RGPD4: variants seen among roughly 807,000 people sequenced by gnomAD.
The protein encoded by RGPD4 is ranBP2-like and GRIP domain-containing protein 4.
RGPD4 carries 84 observed loss-of-function variants against 141.1 expected under a neutral mutation model. The ratio of observed to expected loss-of-function variants is 0.60; its 90% confidence interval spans 0.50 to 0.71. The LOEUF (loss-of-function observed/expected upper bound fraction) is 0.71, where lower values mean the gene tolerates loss of function less well. Among genes scored for constraint, RGPD4 ranks in the 30% least tolerant of loss-of-function variants. The probability of loss-of-function intolerance (pLI) is 0.00; values close to 1 mark genes in which losing one functional copy is unlikely to be tolerated. For missense variants in RGPD4, 918 were observed against 1,622.4 expected (o/e 0.57, Z 7.46); for synonymous variants, 298 against 566.8 (o/e 0.53, Z 6.74).
chr2:107,880,166 A>C, intron 21 of RGPD4, 59 bp downstream of exon 21: 2 of 1,610,804 alleles, frequency 1.2e-6, no homozygotes, highest in Non-Finnish European at 1.7e-6. Flanking sequence ...TGGACCCTCC[A>C]TACACATGTA....
intron 22 of RGPD4, among the ~76,000 whole-genome samples, chr2:107,887,457 G>C (rs1675546950): frequency 6.6e-6 from 1 of 151,982 alleles, no homozygotes; most frequent in South Asian, 2.1e-4. Context: ...ATGATGAATA[G>C]TTTTCCTTTC....
chr2:107,860,761 T>C lies in RGPD4; in HGVS notation c.1759-5T>C. 3.1e-6 allele frequency: 5 copies of C among 1,610,620 alleles called. No individual in the cohort carries two copies. The South Asian group carries it at 4.4e-5, about 14-fold the overall frequency. On this transcript the variant is annotated splice_polypyrimidine_tract_variant and splice_region_variant and intron_variant, in intron 12 of 22. Transcript: ENST00000408999. ...AAGTTGTGTGCTTTTAACTTTCTTTTTTAGGGCAGTGGTCTTAATTCTTTT... is the reference window on the plus strand; with the variant it reads ...AAGTTGTGTGCTTTTAACTTTCTTTCTTAGGGCAGTGGTCTTAATTCTTTT...
chr2:107,883,077 C>G, intron 22 of RGPD4: 4 of 734,152 alleles, frequency 5.4e-6, no homozygotes, highest in Non-Finnish European at 9.3e-6. Flanking sequence ...TTTTAACGTT[C>G]AGCAAAATAC....
chr2:107,830,455 A>G (rs567347260), intron 1 of RGPD4, among the ~76,000 whole-genome samples: 1 of 152,222 alleles, frequency 6.6e-6, no homozygotes, highest in African/African-American at 2.4e-5. Flanking sequence ...TGTTCTTTCA[A>G]CTGCATAACT....
chr2:107,844,832 T>C (rs1274816388), intron 6 of RGPD4, among the ~76,000 whole-genome samples: 39 of 52,664 alleles, frequency 7.4e-4, no homozygotes, highest in East Asian at 1.8e-3. Context: ...TCTTTTTTGT[T>C]TTTTTTTTTT....
At chr2:107,834,129 T>C (rs1215602915) in intron 1 of RGPD4, among the ~76,000 whole-genome samples, 3 of 151,978 alleles carry the variant, frequency 2.0e-5, no homozygotes, top group African/African-American at 7.3e-5. Flanking sequence ...CTTGCTCTGT[T>C]GCCAGAGCTG....
At position 107,872,054 on chromosome 2, in the gene RGPD4, T is replaced by C. The variant is rs578212319; in HGVS notation, c.4050T>C (p.Gly1350=). Residue 1350 remains glycine, a synonymous_variant, in exon 20 of 23, where the codon GGT becomes GGC. Coordinates refer to ENST00000408999, the MANE Select transcript of RGPD4 (RefSeq NM_182588.3). ...PLPDLVEVSS[G]EENEKVVFSH... ...CTGATCTAGTTGAAGTATCCAGTGG[T>C]GAGGAAAATGAAAAAGTTGTTTTTA... The C allele has an allele frequency of 6.0e-5, 97 of 1,611,460 alleles. No individual in the cohort carries two copies. Among genetic ancestry groups the C allele is most frequent in the Admixed American group, 2.2e-4 (13 of 59,954 alleles).
chr2:107,834,769 A>G (rs1681614402), intron 1 of RGPD4, among the ~76,000 whole-genome samples: 1 of 125,044 alleles, frequency 8.0e-6, no homozygotes, highest in Admixed American at 8.4e-5. Context: ...TATGGTAAGA[A>G]CAAATCTTTT....
intron 1 of RGPD4, among the ~76,000 whole-genome samples, chr2:107,829,785 CCTGGCCCGGGCTTT>C (rs1202808253): frequency 2.6e-5 from 4 of 152,258 alleles, no homozygotes; most frequent in African/African-American, 9.6e-5. Flanking sequence ...CTGGGCCCGT[CCTGGCCCGGGCTTT>C]CTGGCCCCGT....
chr2:107,843,799 T>C (rs2104418887), intron 6 of RGPD4, 69 bp downstream of exon 6: 1 of 145,264 alleles, frequency 6.9e-6, no homozygotes, highest in South Asian at 6.3e-5. Flanking sequence ...AGTTCATTGC[T>C]CTAAATTTCT....
At chr2:107,858,186 T>C (rs1438824452) in intron 9 of RGPD4, among the ~76,000 whole-genome samples, 3 of 151,984 alleles carry the variant, frequency 2.0e-5, no homozygotes, top group South Asian at 2.1e-4. Context: ...CTACTTTCTG[T>C]TATTGGGCAT....
chr2:107,880,998 G>C (rs1267545215), intron 21 of RGPD4, among the ~76,000 whole-genome samples: 1 of 151,774 alleles, frequency 6.6e-6, no homozygotes, highest in East Asian at 1.9e-4. Flanking sequence ...CTCATCACTG[G>C]TTAAGAGAAA....
intron 20 of RGPD4, among the ~76,000 whole-genome samples, chr2:107,878,238 G>A (rs1245311763): frequency 1.1e-4 from 17 of 151,536 alleles, no homozygotes; most frequent in South Asian, 6.2e-4. Context: ...CTGTAAGGCC[G>A]AATCAATAGA....
rs748767431 is a variant in RGPD4, at chr2:107,872,759, T to G, written c.4755T>G (p.Thr1585=). ...NASLKSNNSE[T]SSVAQSGSES... ...CTTTGAAAAGTAACAACAGTGAAAC[T>G]AGTTCAGTAGCCCAGAGTGGATCTG... The change falls in exon 20 of 23, where the codon ACT becomes ACG. Residue 1585 remains threonine (T), a synonymous_variant. Coordinates refer to ENST00000408999, the MANE Select transcript of RGPD4 (RefSeq NM_182588.3). 1.9e-6 allele frequency: 3 copies of G among 1,611,602 alleles called. No individual in the cohort carries two copies. Among genetic ancestry groups the G allele is most frequent in the Admixed American group, 1.7e-5 (1 of 59,980 alleles).
In RGPD4 at chr2:107,891,980, GATA is replaced by G; in HGVS notation, c.*1252_*1254del. On this transcript the variant is annotated 3_prime_UTR_variant, in exon 23 of 23. Transcript: ENST00000408999. Reference sequence around the variant, plus strand: ...TGTGTTGTTCTTAAATCAAAAATTGGATAATTTTTAATATTTATGTATTAATCA... The same window carrying G: ...TGTGTTGTTCTTAAATCAAAAATTGGATTTTTAATATTTATGTATTAATCA... 9.5e-6 allele frequency among the ~76,000 whole-genome samples: 1 copy of G among 105,152 alleles called. No homozygotes were observed. The highest frequency in any genetic ancestry group is 2.0e-4 in the East Asian group (1 of 4,980). The allele number at this position is 105,152 out of a possible 152,430, so 69.0% of individuals were successfully genotyped here. A position where few individuals can be genotyped will look rare whatever the true frequency, so the allele number is the denominator to read the frequency against.
chr2:107,880,978 A>G (rs879106289), intron 21 of RGPD4, among the ~76,000 whole-genome samples: 3 of 151,936 alleles, frequency 2.0e-5, no homozygotes, highest in African/African-American at 7.3e-5. Context: ...CTCTACATAC[A>G]TTATTTAATC....
chr2:107,865,565 G>C (rs1281020007), intron 17 of RGPD4, among the ~76,000 whole-genome samples: 6 of 151,814 alleles, frequency 4.0e-5, no homozygotes, highest in South Asian at 2.1e-4. Flanking sequence ...TTGGCTGGAG[G>C]TGAACGTCAG....
chr2:107,834,393 T>C (rs575291899), intron 1 of RGPD4, among the ~76,000 whole-genome samples: 2 of 151,636 alleles, frequency 1.3e-5, no homozygotes, highest in East Asian at 3.9e-4. Context: ...GAAGATTATA[T>C]AAATAAACAT....
intron 20 of RGPD4, among the ~76,000 whole-genome samples, chr2:107,876,407 G>T (rs1471612236): frequency 6.6e-6 from 1 of 150,984 alleles, no homozygotes; most frequent in Non-Finnish European, 1.5e-5. Context: ...TCCTAATTCT[G>T]GTATTCACCA....
Sources: allele counts gnomAD v4.1 joint callset (sites outside exome capture counted in the v4.1 genomes callset), GRCh38; gene constraint gnomAD v4.1.1; transcripts MANE v1.5; gene names NCBI Gene and HGNC (gene_info 2026-07-23, HGNC 2026-07-21).